The following DTNA variants were observed in gnomAD, a reference collection of about 807,000 sequenced individuals.
DTNA encodes dystrophin-related protein 3.
DTNA carries 43 observed loss-of-function variants against 100.7 expected under a neutral mutation model. That is an observed-to-expected ratio of 0.43 (90% CI 0.33 to 0.55). The LOEUF (loss-of-function observed/expected upper bound fraction) is 0.55, where lower values mean the gene tolerates loss of function less well. Ranked by LOEUF, DTNA falls within the 20% of genes least tolerant of loss-of-function variation. The pLI is 0.04. For synonymous variants in DTNA, 349 were observed against 347.9 expected (o/e 1.00, Z -0.04); for missense variants, 798 against 953.9 (o/e 0.84, Z 2.15).
chr18:34,555,563 C>G (rs181087193), intron 1 of DTNA, among the ~76,000 whole-genome samples: 9 of 152,226 alleles, frequency 5.9e-5, no homozygotes, highest in African/African-American at 1.7e-4. Flanking sequence ...CCCAGAGATT[C>G]TAGTGTGTTG....
At chr18:34,633,541 AAAGC>A (rs1432035523) in intron 1 of DTNA, among the ~76,000 whole-genome samples, 1 of 152,134 alleles carries the variant, frequency 6.6e-6, no homozygotes. Flanking sequence ...GAGAAACAGA[AAAGC>A]AGGCAGGTCG....
chr18:34,705,753 A>C (rs952400848), upstream of DTNA, among the ~76,000 whole-genome samples: 5 of 152,194 alleles, frequency 3.3e-5, no homozygotes, highest in African/African-American at 9.7e-5. Flanking sequence ...ATATACAAAG[A>C]TATATTGCTT....
In DTNA at chr18:34,855,306, A is replaced by G. The variant is rs562862945; in HGVS notation, c.1533-2979A>G. ...CAAGTGACAGAATGTCCGCATGTTT[A>G]TGGCAAAATAATCAGCTCACTAAAT... On this transcript the variant is annotated intron_variant, in intron 15 of 22. Coordinates refer to ENST00000444659, the MANE Select transcript of DTNA (RefSeq NM_001386795.1). Among the ~76,000 whole-genome samples, 9 of 152,350 alleles carry G rather than the reference A, an allele frequency of 5.9e-5. 1 individual carries two copies. The South Asian group carries it at 1.9e-3, about 32-fold the overall frequency.
Position 34,820,507 on chromosome 18 carries a change from T to A in DTNA, c.877-284T>A, listed in dbSNP as rs151047598. ...TTCTCGAATGACCTTCCCAGTCTGC[T>A]GAGTTTTTGTCAGAAGGATTCCTGC... On this transcript the variant is annotated intron_variant, in intron 8 of 22. Coordinates refer to ENST00000444659, the MANE Select transcript of DTNA (RefSeq NM_001386795.1). 1.8e-4 allele frequency among the ~76,000 whole-genome samples: 27 copies of A among 152,332 alleles called. No homozygotes were observed. In the East Asian group the frequency reaches 4.8e-3, roughly 27 times the overall value.
chr18:34,668,672 T>A (rs2076296786), intron 1 of DTNA, among the ~76,000 whole-genome samples: 1 of 152,232 alleles, frequency 6.6e-6, no homozygotes, highest in Admixed American at 6.5e-5. Context: ...TCTACCTTCT[T>A]TTCTTTATGT....
chr18:34,891,101 C>T lies in DTNA; in HGVS notation c.*3367C>T, dbSNP rs2096962516. 1 of 152,372 alleles carries T rather than the reference C, an allele frequency of 6.6e-6. No individual in the cohort carries two copies. Among genetic ancestry groups the T allele is most frequent in the Non-Finnish European group, 1.5e-5 (1 of 68,016 alleles). 9.4% of individuals were successfully genotyped at this position (152,372 alleles called of 1,614,324 possible). ...AGAGAAAAAAAAATCAGAAGTGTTGCATCTTGAGGCGAATTAACTGTAAGA... is the reference window on the plus strand; with the variant it reads ...AGAGAAAAAAAAATCAGAAGTGTTGTATCTTGAGGCGAATTAACTGTAAGA... On this transcript the variant is annotated 3_prime_UTR_variant, in exon 23 of 23. Transcript: ENST00000444659.
chr18:34,869,743 C>T (rs117370699), intron 17 of DTNA, among the ~76,000 whole-genome samples: 2,211 of 152,264 alleles, frequency 0.015, 23 homozygotes, highest in African/African-American at 0.02. Context: ...AAACTAAGGC[C>T]GTGCACGGTG....
chr18:34,874,621 A>T (rs563849397), intron 17 of DTNA, among the ~76,000 whole-genome samples: 1 of 151,992 alleles, frequency 6.6e-6, no homozygotes, highest in Non-Finnish European at 1.5e-5. Context: ...ATACCAAAAA[A>T]TTAGAAAACA....
At chr18:34,660,836 G>A (rs147612831) in intron 1 of DTNA, among the ~76,000 whole-genome samples, 2 of 151,968 alleles carry the variant, frequency 1.3e-5, no homozygotes, top group African/African-American at 4.8e-5. Context: ...GCTTTGAGTT[G>A]TGCCACCTTT....
At position 34,794,003 on chromosome 18, in the gene DTNA, T is replaced by C. The variant is rs755000495; in HGVS notation, c.149-34T>C. 25 of 1,605,296 alleles carry C rather than the reference T, an allele frequency of 1.6e-5. 1 individual carries two copies. The East Asian group carries it at 5.6e-4, about 36-fold the overall frequency. ...ACTGATGTATTTGCCTTCCATTACT[T>C]TGGGCTGATGTGTTAACTCTGCTTT... On this transcript the variant is annotated intron_variant, in intron 3 of 22. Coordinates refer to ENST00000444659, the MANE Select transcript of DTNA (RefSeq NM_001386795.1).
intron 6 of DTNA, among the ~76,000 whole-genome samples, chr18:34,815,201 AT>A (rs911104016): frequency 6.6e-5 from 10 of 152,220 alleles, no homozygotes; most frequent in African/African-American, 2.2e-4. Context: ...ATAAATATGT[AT>A]TTTTTTATTT....
At chr18:34,534,575 A>C (rs765585131) in intron 1 of DTNA, among the ~76,000 whole-genome samples, 3 of 151,920 alleles carry the variant, frequency 2.0e-5, no homozygotes, top group Non-Finnish European at 4.4e-5. Flanking sequence ...TGCTGCACCT[A>C]TCAACCCATC....
rs10670584 is a variant in DTNA, at chr18:34,770,784, C to CTTTT, written c.148+4756_148+4759dup. Reference sequence around the variant, plus strand: ...GCATACTCCCAAGAAGAATTATATTCTTTTTTTTTTTTTTTTGAGTGGAGT... The same window carrying CTTTT: ...GCATACTCCCAAGAAGAATTATATTCTTTTTTTTTTTTTTTTTTTTGAGTGGAGT... On this transcript the variant is annotated intron_variant, in intron 3 of 22. Transcript: ENST00000444659. 8.3e-5 allele frequency among the ~76,000 whole-genome samples: 11 copies of CTTTT among 132,878 alleles called. 1 individual carries two copies. The highest frequency in any genetic ancestry group is 4.4e-4 in the East Asian group (2 of 4,522). The allele number at this position is 132,878 out of a possible 152,430, so 87.2% of individuals were successfully genotyped here. A position where few individuals can be genotyped will look rare whatever the true frequency, so the allele number is the denominator to read the frequency against.
At position 34,534,483 on chromosome 18, in the gene DTNA, A is replaced by AT. The variant is rs145554979; in HGVS notation, c.-2+40978dup. On this transcript the variant is annotated intron_variant, in intron 1 of 19. Coordinates refer to the DTNA transcript ENST00000283365. ...CAGGGCATCAAGCATCAAGCATTTTATTTTTTTTTAACTTTAAGTTCTGGA... is the reference window on the plus strand; with the variant it reads ...CAGGGCATCAAGCATCAAGCATTTTATTTTTTTTTTAACTTTAAGTTCTGGA... Among the ~76,000 whole-genome samples, 387 of 151,140 alleles carry AT rather than the reference A, an allele frequency of 2.6e-3. 2 individuals carry two copies. Among genetic ancestry groups the AT allele is most frequent in the African/African-American group, 6.1e-3 (253 of 41,306 alleles).
chr18:34,846,833 A>T (rs2096387968), intron 13 of DTNA, among the ~76,000 whole-genome samples: 1 of 152,258 alleles, frequency 6.6e-6, no homozygotes, highest in Non-Finnish European at 1.5e-5. Flanking sequence ...GTAAATGTAC[A>T]TATAATAGTA....
Position 34,818,174 on chromosome 18 carries a change from G to T in DTNA, c.720G>T (p.Pro240=). 3 of 1,613,916 alleles carry T rather than the reference G, an allele frequency of 1.9e-6. No individual in the cohort carries two copies. Among genetic ancestry groups the T allele is most frequent in the East Asian group, 4.5e-5 (2 of 44,878 alleles). ...TTACTTCCCCCTTAGTCTTCCATCC[G>T]GTTGAGTGTTCCTACTGCCACAGTG... ...RLANVENVFH[P]VECSYCHSES... The change falls in exon 8 of 23, where the codon CCG becomes CCT. Residue 240 remains proline, a synonymous_variant. Transcript: ENST00000444659.
chr18:34,582,306 A>G (rs2146691879), intron 1 of DTNA, among the ~76,000 whole-genome samples: 1 of 152,306 alleles, frequency 6.6e-6, no homozygotes, highest in South Asian at 2.1e-4. Context: ...TAAGGTGTGT[A>G]TACTAGAGGC....
chr18:34,573,061 C>T (rs1488276237), intron 1 of DTNA, among the ~76,000 whole-genome samples: 3 of 152,194 alleles, frequency 2.0e-5, no homozygotes, highest in Non-Finnish European at 4.4e-5. Flanking sequence ...GGTTCCTTTG[C>T]ACACAGTAGG....
Position 34,851,944 on chromosome 18 carries a change from C to T in DTNA, c.1532+16C>T, listed in dbSNP as rs562514105. The T allele has an allele frequency of 3.7e-5, 59 of 1,612,328 alleles. No homozygotes were observed. The highest frequency in any genetic ancestry group is 2.8e-4 in the Admixed American group (17 of 59,960). On this transcript the variant is annotated intron_variant, in intron 15 of 22. Transcript: ENST00000444659. ...ACAAGAACAGGTGAGACTTTGTAGA[C>T]GTGCTGGCTTGTTTGATCAATGTGC... is the stretch of plus-strand genomic sequence containing the variant.
Sources: gnomAD v4.1 joint callset for allele counts (sites outside exome capture counted in the v4.1 genomes callset) on GRCh38, gnomAD v4.1.1 for gene constraint, MANE v1.5 for transcripts, NCBI Gene and HGNC (gene_info 2026-07-23, HGNC 2026-07-21) for gene names.